Variants in AMTN observed in about 807,000 individuals in gnomAD.
AMTN encodes amelotin.
A neutral mutation model predicts 27.4 loss-of-function variants in AMTN; 29 were observed. That is an observed-to-expected ratio of 1.06 (90% CI 0.79 to 1.44). AMTN has a LOEUF of 1.44. Among genes scored for constraint, AMTN ranks in the 40% most tolerant of loss-of-function variants. AMTN has a pLI of 0.00. For synonymous variants in AMTN, 86 were observed against 95.7 expected, an observed-to-expected ratio of 0.90 and a Z score of 0.59; for missense variants, 247 against 248.8, an observed-to-expected ratio of 0.99 and a Z score of 0.05.
intron 3 of AMTN, among the ~76,000 whole-genome samples, chr4:70,523,274 T>C (rs940591281): frequency 2.0e-5 from 3 of 152,208 alleles, no homozygotes; most frequent in Admixed American, 6.5e-5. Context: ...AAAGTTTCAT[T>C]GTTGCTGATG....
At chr4:70,524,027 TC>T in intron 4 of AMTN, 94 bp downstream of exon 4, 1 of 1,002,072 alleles carries the variant, frequency 1.0e-6, no homozygotes, top group Non-Finnish European at 1.5e-6. Context: ...GGTGCGTATA[TC>T]CACAAATGAA....
chr4:70,527,053 C>A (rs1299669203), intron 5 of AMTN, among the ~76,000 whole-genome samples: 2 of 151,476 alleles, frequency 1.3e-5, no homozygotes, highest in Non-Finnish European at 2.9e-5. Context: ...GGTTAAATGT[C>A]AGCTCTACAC....
chr4:70,521,682 A>C (rs1735973724), intron 2 of AMTN, among the ~76,000 whole-genome samples: 1 of 77,606 alleles, frequency 1.3e-5, no homozygotes, highest in Non-Finnish European at 2.4e-5. Flanking sequence ...TTTTTGTGAG[A>C]CAGAGTCTCA....
chr4:70,523,455 T>C (rs766873642), intron 3 of AMTN, among the ~76,000 whole-genome samples: 4 of 152,188 alleles, frequency 2.6e-5, no homozygotes, highest in Admixed American at 6.5e-5. Context: ...CAGATAACAC[T>C]AGAGTCTAAA....
chr4:70,529,050 T>C, intron 6 of AMTN, 134 bp from the exon 7 acceptor site: 3 of 807,446 alleles, frequency 3.7e-6, no homozygotes, highest in Non-Finnish European at 3.7e-6. Flanking sequence ...CATAAGGCAG[T>C]TTAACATATT....
rs888468082 is a variant in AMTN, at chr4:70,524,015, T to C, written c.204+82T>C. ...TATTACAGTGGGGGGAGCATGTATA[T>C]GGGTGCGTATATCCACAAATGAAAA... On this transcript the variant is annotated intron_variant, in intron 4 of 8. Transcript: ENST00000339336. 1.1e-5 allele frequency: 12 copies of C among 1,129,958 alleles called. No homozygotes were observed. The African/African-American group carries it at 1.7e-4, about 16-fold the overall frequency. The allele number at this position is 1,129,958 out of a possible 1,614,324, so 70.0% of individuals were successfully genotyped here.
chr4:70,524,689 A>G (rs1320033165), intron 4 of AMTN, among the ~76,000 whole-genome samples, 183 bp from the exon 5 acceptor site: 3 of 152,232 alleles, frequency 2.0e-5, no homozygotes, highest in African/African-American at 7.2e-5. Context: ...GTAGTCGTAC[A>G]AGCAGACTAA....
In AMTN at chr4:70,525,747, A is replaced by G. The variant is rs373633529; in HGVS notation, c.294+786A>G. Among the ~76,000 whole-genome samples the G allele has an allele frequency of 3.9e-5, 6 of 152,156 alleles. No individual in the cohort carries two copies. In the East Asian group the frequency reaches 9.7e-4, roughly 25 times the overall value. ...TTATCTCTACAAAAAATAAAATAAA[A>G]TAAATAGCCAGGCGTGGTGGGGCTC... On this transcript the variant is annotated intron_variant, in intron 5 of 8. Coordinates refer to ENST00000339336, the MANE Select transcript of AMTN (RefSeq NM_212557.4).
intron 7 of AMTN, among the ~76,000 whole-genome samples, chr4:70,529,489 A>G (rs1253242154): frequency 6.6e-6 from 1 of 152,208 alleles, no homozygotes; most frequent in East Asian, 1.9e-4. Context: ...TTTTAACTTC[A>G]TAAGGATTTC....
intron 1 of AMTN, 24 bp from the exon 2 acceptor site, chr4:70,518,739 A>C: frequency 4.8e-6 from 7 of 1,445,302 alleles, no homozygotes; most frequent in Non-Finnish European, 6.8e-6. Flanking sequence ...TACATGGAAG[A>C]GTAACACTTT....
At chr4:70,527,943 A>G (rs1303187133) in intron 5 of AMTN, among the ~76,000 whole-genome samples, 1 of 152,196 alleles carries the variant, frequency 6.6e-6, no homozygotes, top group Non-Finnish European at 1.5e-5. Context: ...TTACTGAGCA[A>G]TATTCCCTAT....
chr4:70,531,243 G>T lies in AMTN; in HGVS notation c.562G>T (p.Ala188Ser), dbSNP rs768379840. Residue 188 changes from alanine (A) to serine (S), a missense_variant, in exon 8 of 9, where the codon GCA becomes TCA. Transcript: ENST00000339336. ...TDDDFAVTTP[A>S]GIQRSTHAIE... ...TGACGACTTTGCAGTGACCACCCCT[G>T]CAGGCATCCAAAGGAGCACACATGC... The T allele has an allele frequency of 5.0e-6, 8 of 1,613,882 alleles. No homozygotes were observed. The highest frequency in any genetic ancestry group is 3.3e-5 in the Admixed American group (2 of 60,000).
intron 5 of AMTN, 23 bp from the exon 6 acceptor site, chr4:70,528,698 AAG>A (rs1361400970): frequency 1.2e-6 from 2 of 1,604,888 alleles, no homozygotes; most frequent in East Asian, 2.3e-5. Context: ...TTACTTTTGA[AAG>A]AGTTTTTCTC....
chr4:70,532,289 A>C (rs1020964565), intron 8 of AMTN, among the ~76,000 whole-genome samples, 166 bp from the exon 9 acceptor site: 1 of 152,234 alleles, frequency 6.6e-6, no homozygotes, highest in African/African-American at 2.4e-5. Flanking sequence ...AAGCAAAGTT[A>C]ATTGCTTAAC....
At chr4:70,523,775 C>T (rs1220707434) in intron 3 of AMTN, 93 bp from the exon 4 acceptor site, 26 of 1,110,616 alleles carry the variant, frequency 2.3e-5, no homozygotes, top group Non-Finnish European at 3.4e-5. Context: ...CCACCTCTGA[C>T]AGGACTGTCA....
chr4:70,520,374 A>T (rs28438804), intron 2 of AMTN, among the ~76,000 whole-genome samples: 67,802 of 152,150 alleles, frequency 0.45, 15,906 homozygotes, highest in Admixed American at 0.52. Flanking sequence ...CATAAAGGTA[A>T]AAAGAGTGAA....
chr4:70,519,849 G>A (rs1472836952), intron 2 of AMTN, among the ~76,000 whole-genome samples: 2 of 151,868 alleles, frequency 1.3e-5, no homozygotes, highest in Non-Finnish European at 2.9e-5. Flanking sequence ...TTATGCGGGG[G>A]GAGGATGAAG....
At position 70,523,943 on chromosome 4, in the gene AMTN, T is replaced by C. The variant is rs1378165368; in HGVS notation, c.204+10T>C. On this transcript the variant is annotated intron_variant, in intron 4 of 8. Transcript: ENST00000339336. ...GCCAGATCTGCATCTGGTAAGTGAT[T>C]GTTTATATTATTTTAATACCCATTG... 6.2e-7 allele frequency: 1 copy of C among 1,607,456 alleles called. No individual in the cohort carries two copies. The highest frequency in any genetic ancestry group is 1.7e-5 in the Admixed American group (1 of 59,940).
chr4:70,530,032 T>G (rs921301278), intron 7 of AMTN, among the ~76,000 whole-genome samples: 5 of 152,176 alleles, frequency 3.3e-5, no homozygotes, highest in African/African-American at 1.2e-4. Flanking sequence ...ACAAAGCAGA[T>G]ATTTTTGACC....
Sources: gnomAD v4.1 joint callset for allele counts (sites outside exome capture counted in the v4.1 genomes callset) on GRCh38, gnomAD v4.1.1 for gene constraint, MANE v1.5 for transcripts, NCBI Gene and HGNC (gene_info 2026-07-23, HGNC 2026-07-21) for gene names.